The following DLGAP1 variants were observed in gnomAD, a reference collection of about 807,000 sequenced individuals.
DLGAP1 encodes the protein DLG associated protein 1, also known as disks large-associated protein 1.
In DLGAP1, 11 loss-of-function variants were observed where a neutral mutation model predicts 90.8. The observed-to-expected ratio is 0.12, with a 90% CI of 0.08 to 0.20. The LOEUF is 0.20. Among genes scored for constraint, DLGAP1 ranks in the 10% least tolerant of loss-of-function variants. DLGAP1 has a pLI of 1.00. For missense variants in DLGAP1, 1,050 were observed against 1,333.8 expected, an observed-to-expected ratio of 0.79 and a Z score of 3.31; for synonymous variants, 558 against 540.7, an observed-to-expected ratio of 1.03 and a Z score of -0.44.
chr18:4,408,268 T>C (rs1041007169), intron 1 of DLGAP1, among the ~76,000 whole-genome samples: 26 of 152,048 alleles, frequency 1.7e-4, no homozygotes, highest in African/African-American at 6.3e-4. Context: ...CGTATTCGTG[T>C]GGGTGTGTTG....
At chr18:3,596,470 C>A (rs1568267438) in intron 7 of DLGAP1, 1 of 212,902 alleles carries the variant, frequency 4.7e-6, no homozygotes, top group Admixed American at 6.1e-5. Context: ...TGACATTTTT[C>A]TTTTAAATCT....
rs190730805 is a variant in DLGAP1, at chr18:3,689,490, A to G, written c.1591+39645T>C. ...TGTATCAGACAAACGGTATCATTGT[A>G]TCCTTTTTTTTAAGCAGACCTATCT... On this transcript the variant is annotated intron_variant, in intron 7 of 12. Coordinates refer to ENST00000315677, the MANE Select transcript of DLGAP1 (RefSeq NM_004746.4). Among the ~76,000 whole-genome samples the G allele has an allele frequency of 2.0e-4, 30 of 152,280 alleles. No homozygotes were observed. In the East Asian group the frequency reaches 5.4e-3, roughly 27 times the overall value.
intron 3 of DLGAP1, among the ~76,000 whole-genome samples, chr18:3,945,253 A>G (rs1182064536): frequency 1.3e-5 from 2 of 152,230 alleles, no homozygotes; most frequent in Non-Finnish European, 2.9e-5. Flanking sequence ...GTTCATTAAC[A>G]TTACTTATCA....
intron 1 of DLGAP1, among the ~76,000 whole-genome samples, chr18:4,168,909 T>C (rs80135526): frequency 0.013 from 1,967 of 152,296 alleles, 38 homozygotes; most frequent in African/African-American, 0.04. Flanking sequence ...GGCAGGATAA[T>C]ATTCCTTTGT....
intron 11 of DLGAP1, among the ~76,000 whole-genome samples, chr18:3,508,000 G>T (rs1267867626): frequency 1.3e-4 from 20 of 152,194 alleles, no homozygotes; most frequent in Admixed American, 1.3e-3. Flanking sequence ...GCCTCCCAAA[G>T]TGCTGGGATT....
At chr18:3,956,626 A>G (rs1330614171) in intron 3 of DLGAP1, among the ~76,000 whole-genome samples, 1 of 151,362 alleles carries the variant, frequency 6.6e-6, no homozygotes, top group Non-Finnish European at 1.5e-5. Flanking sequence ...GGGATTATAG[A>G]AGTGAACCAC....
intron 3 of DLGAP1, among the ~76,000 whole-genome samples, chr18:3,918,329 C>A (rs1169179853): frequency 6.6e-6 from 1 of 152,188 alleles, no homozygotes; most frequent in Admixed American, 6.5e-5. Context: ...TAGAAGCCAG[C>A]ACACAGAATA....
intron 1 of DLGAP1, among the ~76,000 whole-genome samples, chr18:4,343,169 T>C (rs1000727485): frequency 5.9e-5 from 9 of 151,672 alleles, no homozygotes; most frequent in Admixed American, 4.6e-4. Context: ...TAGCCGGGCG[T>C]GGTGGCAGGC....
intron 1 of DLGAP1, among the ~76,000 whole-genome samples, chr18:4,415,418 T>C (rs1286440000): frequency 6.6e-6 from 1 of 152,136 alleles, no homozygotes; most frequent in African/African-American, 2.4e-5. Flanking sequence ...ACTTGCCTTA[T>C]AAAATAAACA....
At chr18:4,341,183 AAT>A (rs368798400) in intron 1 of DLGAP1, among the ~76,000 whole-genome samples, 10 of 150,776 alleles carry the variant, frequency 6.6e-5, no homozygotes, top group Admixed American at 1.3e-4. Context: ...AGAATAGAGG[AAT>A]ATATATATAT....
At chr18:4,389,694 A>C (rs532946301) in intron 1 of DLGAP1, among the ~76,000 whole-genome samples, 21 of 152,336 alleles carry the variant, frequency 1.4e-4, no homozygotes, top group African/African-American at 4.8e-4. Flanking sequence ...TCAAAATAGA[A>C]GTTATTCCAA....
At chr18:3,555,576 C>G (rs894936618) in intron 9 of DLGAP1, among the ~76,000 whole-genome samples, 1 of 152,022 alleles carries the variant, frequency 6.6e-6, no homozygotes, top group Non-Finnish European at 1.5e-5. Flanking sequence ...TTTGGGAGGC[C>G]GAGGCGGGCG....
chr18:4,309,270 G>A (rs550147025), intron 1 of DLGAP1, among the ~76,000 whole-genome samples: 10 of 152,282 alleles, frequency 6.6e-5, no homozygotes, highest in African/African-American at 1.7e-4. Context: ...CCTTCAAACC[G>A]CTTGGGGAAA....
At chr18:4,350,459 A>C (rs956738245) in intron 1 of DLGAP1, among the ~76,000 whole-genome samples, 1 of 152,184 alleles carries the variant, frequency 6.6e-6, no homozygotes, top group African/African-American at 2.4e-5. Flanking sequence ...CAACACTAAA[A>C]GTAAATATAA....
chr18:4,210,326 A>G (rs1402633), intron 1 of DLGAP1, among the ~76,000 whole-genome samples: 92,400 of 151,988 alleles, frequency 0.61, 28,468 homozygotes, highest in East Asian at 0.82. Flanking sequence ...AAGAGGCATT[A>G]TATAATAATC....
intron 3 of DLGAP1, among the ~76,000 whole-genome samples, chr18:4,001,514 C>T (rs1303219137): frequency 6.6e-6 from 1 of 152,038 alleles, no homozygotes; most frequent in Non-Finnish European, 1.5e-5. Context: ...TTTTCTTGTA[C>T]TCTTAGGAGA....
chr18:4,447,605 G>A (rs568317798), intron 1 of DLGAP1, among the ~76,000 whole-genome samples: 8 of 151,864 alleles, frequency 5.3e-5, no homozygotes, highest in Non-Finnish European at 8.8e-5. Context: ...GGACACAAAG[G>A]GGTTTATAAT....
chr18:3,622,173 T>C (rs1378103566), intron 7 of DLGAP1, among the ~76,000 whole-genome samples: 1 of 151,928 alleles, frequency 6.6e-6, no homozygotes, highest in Non-Finnish European at 1.5e-5. Context: ...GACGTGATCT[T>C]GGCTCACTGC....
intron 2 of DLGAP1, among the ~76,000 whole-genome samples, chr18:4,042,604 G>A (rs2074992065): frequency 6.6e-6 from 1 of 152,172 alleles, no homozygotes; most frequent in Non-Finnish European, 1.5e-5. Flanking sequence ...CTGGTCAGGG[G>A]TGGCGTGCGC....
Sources: gnomAD v4.1 joint callset for allele counts (sites outside exome capture counted in the v4.1 genomes callset) on GRCh38, gnomAD v4.1.1 for gene constraint, MANE v1.5 for transcripts, NCBI Gene and HGNC (gene_info 2026-07-23, HGNC 2026-07-21) for gene names.